RAB11FIP4: variants seen among roughly 807,000 people sequenced by gnomAD.
The protein encoded by RAB11FIP4 is rab11 family-interacting protein 4.
Under a neutral mutation model 74.3 loss-of-function variants are expected in RAB11FIP4, and 23 were observed. The ratio of observed to expected loss-of-function variants is 0.31; its 90% CI spans 0.22 to 0.44. The LOEUF is 0.44. Among genes scored for constraint, RAB11FIP4 ranks in the 20% least tolerant of loss-of-function variants. The probability of loss-of-function intolerance (pLI) is 1.00; values close to 1 mark genes in which losing one functional copy is unlikely to be tolerated. For synonymous variants in RAB11FIP4, 360 were observed against 359.9 expected, an observed-to-expected ratio of 1.00 and a Z score of 0.00; for missense variants, 630 against 863.9, an observed-to-expected ratio of 0.73 and a Z score of 3.39.
intron 3 of RAB11FIP4, chr17:31,488,130 G>T (rs993187081): frequency 6.8e-6 from 7 of 1,036,476 alleles, no homozygotes; most frequent in Admixed American, 5.7e-5. Flanking sequence ...AAGTGCGAGC[G>T]GCAGCGGCGC....
chr17:31,457,500 C>T (rs1359925188), intron 3 of RAB11FIP4, among the ~76,000 whole-genome samples: 1 of 152,102 alleles, frequency 6.6e-6, no homozygotes, highest in Non-Finnish European at 1.5e-5. Context: ...CTCACCCCAC[C>T]CCAGTCCCCC....
At chr17:31,505,894 T>C (rs1308533833) in intron 3 of RAB11FIP4, among the ~76,000 whole-genome samples, 1 of 145,636 alleles carries the variant, frequency 6.9e-6, no homozygotes, top group Non-Finnish European at 1.5e-5. Flanking sequence ...TTTTTTTTTG[T>C]AGAGATGGAG....
At chr17:31,436,258 T>C (rs1399936993) in intron 3 of RAB11FIP4, among the ~76,000 whole-genome samples, 1 of 152,188 alleles carries the variant, frequency 6.6e-6, no homozygotes, top group Non-Finnish European at 1.5e-5. Context: ...GAAAGTTCAG[T>C]GGGAAGACAG....
At chr17:31,423,993 A>G (rs932623057) in intron 1 of RAB11FIP4, among the ~76,000 whole-genome samples, 1 of 152,012 alleles carries the variant, frequency 6.6e-6, no homozygotes, top group African/African-American at 2.4e-5. Context: ...TGGGAGAGAA[A>G]AAAGACCCAG....
chr17:31,521,095 G>A, intron 4 of RAB11FIP4, 71 bp from the exon 5 acceptor site: 1 of 1,256,908 alleles, frequency 8.0e-7, no homozygotes, highest in South Asian at 1.7e-5. Context: ...ATGCCTGTCA[G>A]TTTCCCCACC....
At chr17:31,487,924 C>T in intron 3 of RAB11FIP4, 2 of 547,742 alleles carry the variant, frequency 3.7e-6, no homozygotes, top group Non-Finnish European at 4.7e-6. Flanking sequence ...GGCCCCGCCC[C>T]GCGGCTCGGG....
chr17:31,397,439 T>A (rs1215914096), intron 1 of RAB11FIP4, among the ~76,000 whole-genome samples: 10 of 151,732 alleles, frequency 6.6e-5, no homozygotes, highest in Admixed American at 6.6e-4. Context: ...TCCCAAAAGG[T>A]GATAGTTAAA....
intron 1 of RAB11FIP4, among the ~76,000 whole-genome samples, chr17:31,407,641 G>A (rs1344516837): frequency 6.6e-6 from 1 of 152,108 alleles, no homozygotes; most frequent in Non-Finnish European, 1.5e-5. Flanking sequence ...CCATCACCTG[G>A]ATGTGTCTGT....
intron 14 of RAB11FIP4, 39 bp from the exon 15 acceptor site, chr17:31,531,577 C>T (rs2072872221): frequency 1.4e-6 from 2 of 1,415,244 alleles, no homozygotes; most frequent in African/African-American, 2.8e-5. Context: ...CACCCTATCC[C>T]AGGCCCAGCC....
rs970524041 is a variant in RAB11FIP4 at position 31,534,936 on chromosome 17, A to G, written c.*3204A>G. 2 of 154,384 alleles carry G rather than the reference A, an allele frequency of 1.3e-5. No individual in the cohort carries two copies. Among genetic ancestry groups the G allele is most frequent in the Non-Finnish European group, 2.9e-5 (2 of 68,226 alleles). 9.6% of individuals were successfully genotyped at this position (154,384 alleles called of 1,614,324 possible). A position where few individuals can be genotyped will look rare whatever the true frequency, so the allele number is the denominator to read the frequency against. ...CTTCGTGTACATTATCTATTAGAAAATGAAGTACCTTCTGGTTCAGCTAGT... is the reference window on the plus strand; with the variant it reads ...CTTCGTGTACATTATCTATTAGAAAGTGAAGTACCTTCTGGTTCAGCTAGT... On this transcript the variant is annotated 3_prime_UTR_variant, in exon 15 of 15. Coordinates refer to ENST00000621161, the MANE Select transcript of RAB11FIP4 (RefSeq NM_032932.6).
intron 3 of RAB11FIP4, among the ~76,000 whole-genome samples, chr17:31,442,727 A>T (rs2071417423): frequency 6.6e-6 from 1 of 152,198 alleles, no homozygotes; most frequent in Non-Finnish European, 1.5e-5. Context: ...TGGGAAGTGG[A>T]GGCAGGTGGA....
intron 3 of RAB11FIP4, among the ~76,000 whole-genome samples, chr17:31,440,991 C>T (rs2071402367): frequency 6.6e-6 from 1 of 151,918 alleles, no homozygotes; most frequent in Non-Finnish European, 1.5e-5. Flanking sequence ...CCTTTTATGC[C>T]CTCTAGGAAA....
intron 13 of RAB11FIP4, 106 bp from the exon 14 acceptor site, chr17:31,530,220 G>A (rs1019202802): frequency 3.5e-6 from 5 of 1,422,738 alleles, no homozygotes; most frequent in African/African-American, 1.4e-5. Context: ...ACACCTGTGG[G>A]AATGGCGCTG....
intron 1 of RAB11FIP4, among the ~76,000 whole-genome samples, chr17:31,424,915 T>C (rs2071233553): frequency 6.6e-6 from 1 of 152,198 alleles, no homozygotes; most frequent in South Asian, 2.1e-4. Flanking sequence ...AAGCAAAAGT[T>C]GTCAGTACCA....
chr17:31,480,310 G>A lies in RAB11FIP4; in HGVS notation c.337-37341G>A, dbSNP rs115231413. Among the ~76,000 whole-genome samples, 1,092 of 152,188 alleles carry A rather than the reference G, an allele frequency of 7.2e-3. 10 individuals are homozygous for A. The highest frequency in any genetic ancestry group is 0.024 in the African/African-American group (986 of 41,520). On this transcript the variant is annotated intron_variant, in intron 3 of 14. Transcript: ENST00000621161. ...GAGAACATTGTGTGCCAGGATGCCA[G>A]GCCTCGGCCCTGAAGGAGGAGCTTA...
intron 3 of RAB11FIP4, among the ~76,000 whole-genome samples, chr17:31,442,021 C>T (rs1428441253): frequency 4.0e-5 from 6 of 149,002 alleles, no homozygotes; most frequent in East Asian, 2.0e-4. Context: ...TTTTTTGAGA[C>T]GGAGTCTCAC....
chr17:31,521,387 T>G (rs1332032575), intron 5 of RAB11FIP4, 27 bp downstream of exon 5: 1 of 1,566,514 alleles, frequency 6.4e-7, no homozygotes, highest in Non-Finnish European at 8.7e-7. Flanking sequence ...GGATGTCATT[T>G]GGGGTCAAAA....
At chr17:31,425,895 G>A (rs146836563) in intron 1 of RAB11FIP4, among the ~76,000 whole-genome samples, 87 of 152,234 alleles carry the variant, frequency 5.7e-4, no homozygotes, top group Non-Finnish European at 1.2e-3. Context: ...GGCTCCCCAC[G>A]AAGACCACAT....
chr17:31,513,967 C>G (rs1270142475), intron 3 of RAB11FIP4, among the ~76,000 whole-genome samples: 2 of 152,192 alleles, frequency 1.3e-5, no homozygotes, highest in Admixed American at 6.6e-5. Context: ...CCCTGTCTAC[C>G]CCAGGCAGCT....
Sources: gnomAD v4.1 joint callset for allele counts (sites outside exome capture counted in the v4.1 genomes callset) on GRCh38, gnomAD v4.1.1 for gene constraint, MANE v1.5 for transcripts, NCBI Gene and HGNC (gene_info 2026-07-23, HGNC 2026-07-21) for gene names.